Variants in ZNF800 observed in about 807,000 individuals in gnomAD.
The protein encoded by ZNF800 is zinc finger protein 800.
Under a neutral mutation model 59.5 loss-of-function variants are expected in ZNF800, and 13 were observed. That is an observed-to-expected ratio of 0.22 (90% CI 0.14 to 0.35). ZNF800 has a LOEUF of 0.35. ZNF800 is among the 10% of genes least tolerant of loss of function. The pLI is 1.00. For synonymous variants in ZNF800, 266 were observed against 265.7 expected (o/e 1.00, Z -0.01); for missense variants, 621 against 783.7 (o/e 0.79, Z 2.48).
Position 127,392,524 on chromosome 7 carries a change from A to C in ZNF800, c.-523T>G, listed in dbSNP as rs1177465891. ...CCCTCAGGCTTTAGGAGAGGGGCGG[A>C]GAAAAATGGGGGTCTCCCCCAACCT... is the stretch of plus-strand genomic sequence containing the variant. On this transcript the variant is annotated 5_prime_UTR_variant, in exon 1 of 6. Coordinates refer to ENST00000265827, the MANE Select transcript of ZNF800 (RefSeq NM_176814.5). The C allele has an allele frequency of 3.0e-6, 1 of 331,464 alleles. No individual in the cohort carries two copies. Among genetic ancestry groups the C allele is most frequent in the Admixed American group, 4.9e-5 (1 of 20,472 alleles). The allele number at this position is 331,464 out of a possible 1,614,324, so 20.5% of individuals were successfully genotyped here.
chr7:127,373,003 T>C (rs1800674778), intron 5 of ZNF800: 2 of 981,888 alleles, frequency 2.0e-6, no homozygotes, highest in African/African-American at 1.7e-5. Context: ...TGTGCAAAGT[T>C]AGTTAAACAG....
intron 3 of ZNF800, among the ~76,000 whole-genome samples, chr7:127,381,273 C>T (rs1383245524): frequency 2.0e-5 from 3 of 152,120 alleles, no homozygotes; most frequent in Non-Finnish European, 4.4e-5. Context: ...GACCACTTAA[C>T]TACAATATCA....
At chr7:127,351,022 G>C (rs551717414) in intron 1 of ZNF800, among the ~76,000 whole-genome samples, 1 of 152,206 alleles carries the variant, frequency 6.6e-6, no homozygotes, top group Non-Finnish European at 1.5e-5. Flanking sequence ...GATGCACTGA[G>C]AGGCATCAAC....
In ZNF800 at chr7:127,388,593, A is replaced by C. The variant is rs1438145897; in HGVS notation, c.62-2438T>G. 1.1e-4 allele frequency among the ~76,000 whole-genome samples: 3 copies of C among 27,048 alleles called. No homozygotes were observed. In the South Asian group the frequency reaches 6.3e-3, roughly 57 times the overall value. 17.7% of individuals were successfully genotyped at this position (27,048 alleles called of 152,430 possible). A position where few individuals can be genotyped will look rare whatever the true frequency, so the allele number is the denominator to read the frequency against. On this transcript the variant is annotated intron_variant, in intron 2 of 5. Transcript: ENST00000265827. ...TTCTCCTTAGAGCTCCTGCATTTAC[A>C]AATGTGTTCCATTTGTATAAATGTG... is the stretch of plus-strand genomic sequence containing the variant.
chr7:127,351,959 TG>T (rs1162005555), intron 1 of ZNF800, among the ~76,000 whole-genome samples: 1 of 151,976 alleles, frequency 6.6e-6, no homozygotes, highest in East Asian at 1.9e-4. Context: ...ACATGACAGG[TG>T]GGGGAAATGT....
downstream of ZNF800, among the ~76,000 whole-genome samples, chr7:127,366,088 C>T (rs566253994): frequency 6.6e-6 from 1 of 152,194 alleles, no homozygotes; most frequent in East Asian, 1.9e-4. Context: ...GATTTGGTAA[C>T]TTGCCCACAC....
rs1446397807 is a variant in ZNF800 at position 127,377,159 on chromosome 7, A to G, written c.301+27T>C. 6.3e-7 allele frequency: 1 copy of G among 1,591,820 alleles called. No homozygotes were observed. Among genetic ancestry groups the G allele is most frequent in the Non-Finnish European group, 8.5e-7 (1 of 1,170,526 alleles). On this transcript the variant is annotated intron_variant, in intron 4 of 5. Coordinates refer to ENST00000265827, the MANE Select transcript of ZNF800 (RefSeq NM_176814.5). This position sits in a 1 kb window ranked among gnomAD's most constrained non-coding sequence, Gnocchi z 4.7. ...ATAAGAATACTTAGCTGTAAAATGC[A>G]TAACTGAGTATATGAATAAAACTTA...
At chr7:127,354,466 A>C (rs1318046555) in intron 1 of ZNF800, among the ~76,000 whole-genome samples, 1 of 149,926 alleles carries the variant, frequency 6.7e-6, no homozygotes, top group African/African-American at 2.5e-5. Context: ...TACAATTTTC[A>C]GACATTGTTA....
At chr7:127,379,836 A>ACCCCCCACC (rs1800905580) in intron 3 of ZNF800, among the ~76,000 whole-genome samples, 2 of 27,636 alleles carry the variant, frequency 7.2e-5, no homozygotes, top group Non-Finnish European at 1.3e-4. Flanking sequence ...TACCCTTGCC[A>ACCCCCCACC]CCCCCCCACC....
chr7:127,384,295 G>T (rs1388400836), intron 3 of ZNF800, among the ~76,000 whole-genome samples: 1 of 133,320 alleles, frequency 7.5e-6, no homozygotes, highest in Non-Finnish European at 1.5e-5. Flanking sequence ...CTGCAGTGGC[G>T]CTATCTTGGC....
Position 127,371,712 on chromosome 7 carries a change from T to A in ZNF800, c.*102A>T. The stretch of plus-strand genomic sequence containing the variant: ...TATTTAGAAAAATGTTTTTCTTTTT[T>A]TCCTCATAGTACCATTTGAAGATGT... On this transcript the variant is annotated 3_prime_UTR_variant, in exon 6 of 6. Transcript: ENST00000265827. 2 of 615,692 alleles carry A rather than the reference T, an allele frequency of 3.2e-6. No homozygotes were observed. Among genetic ancestry groups the A allele is most frequent in the Non-Finnish European group, 6.0e-6 (2 of 334,842 alleles). 38.1% of individuals were successfully genotyped at this position (615,692 alleles called of 1,614,324 possible).
chr7:127,374,431 A>G lies in ZNF800; in HGVS notation c.905T>C (p.Val302Ala). 6.2e-7 allele frequency: 1 copy of G among 1,614,006 alleles called. No homozygotes were observed. The highest frequency in any genetic ancestry group is 8.5e-7 in the Non-Finnish European group (1 of 1,179,966). Reference protein sequence around the residue: ...CCKSFATKANVRRHFDEVHRG... With the variant: ...CCKSFATKANARRHFDEVHRG... ...ATGAACTTCATCAAAATGCCTCCTT[A>G]CATTCGCTTTTGTAGCAAATGATTT... The change falls in exon 5 of 6, where the codon GTA (valine) becomes GCA (alanine). Residue 302 changes from valine (V) to alanine (A), a missense_variant. By Grantham distance (64) the Val-to-Ala change is moderately conservative. Transcript: ENST00000265827.
chr7:127,391,687 C>T (rs1801323836), intron 1 of ZNF800, 72 bp from the exon 2 acceptor site: 3 of 765,280 alleles, frequency 3.9e-6, no homozygotes, highest in Non-Finnish European at 6.9e-6. Context: ...TTTCCAGATA[C>T]GTTCCCATCA....
intron 1 of ZNF800, among the ~76,000 whole-genome samples, chr7:127,348,760 T>A (rs568670532): frequency 6.6e-6 from 1 of 152,332 alleles, no homozygotes; most frequent in African/African-American, 2.4e-5. Context: ...CCAAATTTCA[T>A]ACAAGTTTGT....
In ZNF800 at chr7:127,374,913, A is replaced by G; in HGVS notation, c.423T>C (p.Asn141=). 6.2e-7 allele frequency: 1 copy of G among 1,613,866 alleles called. No individual in the cohort carries two copies. The highest frequency in any genetic ancestry group is 8.5e-7 in the Non-Finnish European group (1 of 1,179,876). Reference sequence around the variant, plus strand: ...TCCTCGAAATATATTGAAATACTGCATTTTGATTAGTTTCTATGGGTTCTA... The same window carrying G: ...TCCTCGAAATATATTGAAATACTGCGTTTTGATTAGTTTCTATGGGTTCTA... ...IKLEPIETNQ[N]AVFQYISRTD... The change falls in exon 5 of 6, where the codon AAT becomes AAC. Residue 141 remains asparagine, a synonymous_variant. Transcript: ENST00000265827.
At chr7:127,390,102 G>C (rs1434308224) in intron 2 of ZNF800, among the ~76,000 whole-genome samples, 1 of 151,960 alleles carries the variant, frequency 6.6e-6, no homozygotes, top group Admixed American at 6.5e-5. Flanking sequence ...AGAAATGAAT[G>C]ATCAATAAAT....
At chr7:127,363,227 A>C (rs1203768693) in intron 1 of ZNF800, 1 of 152,118 alleles carries the variant, frequency 6.6e-6, no homozygotes, top group Non-Finnish European at 1.5e-5. Flanking sequence ...TCAACTTTGA[A>C]AACAAATGGT....
chr7:127,391,970 C>G (rs1215787468), intron 1 of ZNF800, 90 bp downstream of exon 1: 1 of 380,310 alleles, frequency 2.6e-6, no homozygotes, highest in African/African-American at 2.1e-5. Context: ...CCGCCGGCTG[C>G]TGGCCCACGC....
Position 127,373,653 on chromosome 7 carries a change from T to C in ZNF800, c.1683A>G (p.Ile561Met). ...TTAGAACAAAATCAATAGGCTTTTT[T>C]ATAGCTCTGATCTCTAAACTGGCTG... ...KITASLEIRA[I>M]KKPIDFVLNK... The change falls in exon 5 of 6, where the codon ATA becomes ATG. Residue 561 changes from isoleucine to methionine, a missense_variant. Ile to Met is a conservative substitution (Grantham distance 10). Coordinates refer to ENST00000265827, the MANE Select transcript of ZNF800 (RefSeq NM_176814.5). The C allele has an allele frequency of 6.2e-7, 1 of 1,614,138 alleles. No homozygotes were observed. The highest frequency in any genetic ancestry group is 8.5e-7 in the Non-Finnish European group (1 of 1,180,018).
Sources: allele counts gnomAD v4.1 joint callset (sites outside exome capture counted in the v4.1 genomes callset), GRCh38; gene constraint gnomAD v4.1.1; non-coding constraint Gnocchi (gnomAD v3.1); transcripts MANE v1.5; gene names NCBI Gene and HGNC (gene_info 2026-07-23, HGNC 2026-07-21).